Variants in CRACD observed in about 807,000 individuals in gnomAD.
CRACD encodes capping protein inhibiting regulator of actin dynamics.
A neutral mutation model predicts 106.8 loss-of-function variants in CRACD; 56 were observed. That is an observed-to-expected ratio of 0.52 (90% CI 0.42 to 0.66). The LOEUF is 0.66. Ranked by LOEUF, CRACD falls within the 30% of genes least tolerant of loss-of-function variation. The pLI, the probability that CRACD is intolerant of heterozygous loss-of-function variation, is 0.00. For missense variants in CRACD, 1,730 were observed against 1,623.2 expected, an observed-to-expected ratio of 1.07 and a Z score of -1.13; for synonymous variants, 754 against 670.8, an observed-to-expected ratio of 1.12 and a Z score of -1.92.
chr4:56,161,733 T>G (rs1017931637), intron 1 of CRACD, among the ~76,000 whole-genome samples: 17 of 148,240 alleles, frequency 1.1e-4, no homozygotes, highest in Non-Finnish European at 2.4e-4. Context: ...GTGCTGGGAT[T>G]ACAGGCATGA....
intron 1 of CRACD, among the ~76,000 whole-genome samples, chr4:56,104,689 C>T (rs551532194): frequency 1.6e-4 from 25 of 152,194 alleles, no homozygotes; most frequent in African/African-American, 4.8e-4. Flanking sequence ...TTAAATAGGC[C>T]GGGCGCCGTG....
intron 2 of CRACD, among the ~76,000 whole-genome samples, chr4:56,260,843 ATCTG>A (rs1356881223): frequency 2.6e-5 from 4 of 152,092 alleles, no homozygotes; most frequent in African/African-American, 7.2e-5. Context: ...GCAATATATC[ATCTG>A]TCTGTCTGTC....
chr4:56,316,608 A>G lies in CRACD; in HGVS notation c.3106A>G (p.Thr1036Ala). Reference protein sequence around the residue: ...GQKRDEEEEATERKPASPPLP... With the variant: ...GQKRDEEEEAAERKPASPPLP... ...GAAGAGGGACGAGGAGGAAGAGGCG[A>G]CAGAGAGGAAACCTGCTTCCCCACC... is the stretch of plus-strand genomic sequence containing the variant. Residue 1036 changes from threonine to alanine, a missense_variant, in exon 8 of 11, where the codon ACA becomes GCA. Thr to Ala is a moderately conservative substitution (Grantham distance 58). Transcript: ENST00000682029. The G allele has an allele frequency of 6.2e-7, 1 of 1,613,476 alleles. No homozygotes were observed. Among genetic ancestry groups the G allele is most frequent in the Non-Finnish European group, 8.5e-7 (1 of 1,179,862 alleles).
At chr4:56,050,306 GTGTGTGTGTA>G (rs1188607053) in intron 1 of CRACD, among the ~76,000 whole-genome samples, 1 of 144,594 alleles carries the variant, frequency 6.9e-6, no homozygotes, top group Non-Finnish European at 1.5e-5. Context: ...GTGTGTGTGT[GTGTGTGTGTA>G]TTGGGGGTGG....
intron 3 of CRACD, among the ~76,000 whole-genome samples, chr4:56,280,221 C>A: frequency 6.6e-6 from 1 of 151,114 alleles, no homozygotes; most frequent in Non-Finnish European, 1.5e-5. Context: ...TGCAGCACAC[C>A]AACATGGCAC....
intron 8 of CRACD, among the ~76,000 whole-genome samples, chr4:56,323,064 G>A (rs976499543): frequency 1.3e-5 from 2 of 152,094 alleles, no homozygotes; most frequent in African/African-American, 2.4e-5. Flanking sequence ...AAAGAACAAC[G>A]AACCAAATAC....
At chr4:56,236,403 C>T (rs1335883669) in intron 2 of CRACD, among the ~76,000 whole-genome samples, 3 of 152,134 alleles carry the variant, frequency 2.0e-5, no homozygotes, top group Admixed American at 6.5e-5. Flanking sequence ...TTTAAGCCTC[C>T]CATGTTGTGG....
intron 1 of CRACD, among the ~76,000 whole-genome samples, chr4:56,134,134 A>G (rs952071838): frequency 1.3e-5 from 2 of 151,640 alleles, no homozygotes; most frequent in African/African-American, 4.8e-5. Flanking sequence ...CCAGGAGGTG[A>G]AGGTTGTAGT....
At chr4:56,154,378 A>G (rs1214885793) in intron 1 of CRACD, among the ~76,000 whole-genome samples, 1 of 152,176 alleles carries the variant, frequency 6.6e-6, no homozygotes, top group Non-Finnish European at 1.5e-5. Flanking sequence ...ACGCAGGAGT[A>G]TACCTTAAGC....
chr4:56,097,111 G>C (rs1055809113), intron 1 of CRACD, among the ~76,000 whole-genome samples: 1 of 152,138 alleles, frequency 6.6e-6, no homozygotes, highest in Non-Finnish European at 1.5e-5. Flanking sequence ...GGAAACAGAC[G>C]TGCCATCCAT....
intron 1 of CRACD, among the ~76,000 whole-genome samples, chr4:56,096,655 A>G (rs938304730): frequency 6.6e-6 from 1 of 152,002 alleles, no homozygotes; most frequent in African/African-American, 2.4e-5. Context: ...GAATAGAGAA[A>G]TGACCCTCTG....
intron 1 of CRACD, among the ~76,000 whole-genome samples, chr4:56,135,357 TG>T (rs1734969027): frequency 6.6e-6 from 1 of 152,224 alleles, no homozygotes; most frequent in Non-Finnish European, 1.5e-5. Context: ...AGCAGTTTCT[TG>T]GAACAGTGCA....
At position 56,265,403 on chromosome 4, in the gene CRACD, GGTGTGTGTGTGT is replaced by G. The variant is rs111811548; in HGVS notation, c.-188-6889_-188-6878del. Reference sequence around the variant, plus strand: ...AGTGTACTCAGGGGTATAGAGGAGGGGTGTGTGTGTGTGTGTGTGTGTGTGTGTGTGTGTGTG... The same window carrying G: ...AGTGTACTCAGGGGTATAGAGGAGGGGTGTGTGTGTGTGTGTGTGTGTGTG... On this transcript the variant is annotated intron_variant, in intron 2 of 10. Transcript: ENST00000682029. 9.0e-5 allele frequency among the ~76,000 whole-genome samples: 7 copies of G among 77,354 alleles called. No homozygotes were observed. The Admixed American group carries it at 1.0e-3, about 11-fold the overall frequency. The allele number at this position is 77,354 out of a possible 152,430, so 50.7% of individuals were successfully genotyped here. A position where few individuals can be genotyped will look rare whatever the true frequency, so the allele number is the denominator to read the frequency against.
intron 2 of CRACD, among the ~76,000 whole-genome samples, chr4:56,230,024 A>C (rs1739524787): frequency 6.6e-6 from 1 of 152,112 alleles, no homozygotes; most frequent in South Asian, 2.1e-4. Flanking sequence ...TGCACTATGG[A>C]TTTTCTGCTT....
rs754686187 is a variant in CRACD, at chr4:56,315,013, C to T, written c.1511C>T (p.Pro504Leu). The change falls in exon 8 of 11, where the codon CCG (proline) becomes CTG (leucine). Residue 504 changes from proline to leucine, a missense_variant. Coordinates refer to ENST00000682029, the MANE Select transcript of CRACD (RefSeq NM_001393381.1). This position sits in a 1 kb window ranked among gnomAD's most constrained non-coding sequence, Gnocchi z 4.1. ...GGGCCGGTGGAAGCCGCGCAGCCTC[C>T]GGTGGAGAGGAAAGAAGCCGCCGCC... is the stretch of plus-strand genomic sequence containing the variant. ...QEGPVEAAQPPVERKEAAALE... is the reference protein window; with the variant it reads ...QEGPVEAAQPLVERKEAAALE... The T allele has an allele frequency of 1.3e-6, 2 of 1,589,652 alleles. No homozygotes were observed. The highest frequency in any genetic ancestry group is 2.3e-5 in the East Asian group (1 of 44,004).
At position 56,315,871 on chromosome 4, in the gene CRACD, A is replaced by T. The variant is rs758403213; in HGVS notation, c.2369A>T (p.Lys790Ile). ...REPADTTEGCKFAKDLPSFLV... is the reference protein window; with the variant it reads ...REPADTTEGCIFAKDLPSFLV... Reference sequence around the variant, plus strand: ...CCCGCAGACACCACCGAGGGATGCAAATTTGCCAAAGACCTCCCGTCTTTC... The same window carrying T: ...CCCGCAGACACCACCGAGGGATGCATATTTGCCAAAGACCTCCCGTCTTTC... Residue 790 changes from lysine (K) to isoleucine (I), a missense_variant, in exon 8 of 11, where the codon AAA (lysine) becomes ATA (isoleucine). Physicochemically the swap from Lys to Ile is moderately radical, Grantham distance 102 (BLOSUM62 -3). Around this residue, in one of 5 missense-constraint regions of CRACD, gnomAD observed 1,620 missense variants for 1,481.6 expected, o/e 1.09. Transcript: ENST00000682029. The surrounding 1 kb of genome is among the most constrained non-coding windows in gnomAD (Gnocchi z 4.1). 3 of 1,613,956 alleles carry T rather than the reference A, an allele frequency of 1.9e-6. No homozygotes were observed. The highest frequency in any genetic ancestry group is 2.5e-6 in the Non-Finnish European group (3 of 1,180,028).
At chr4:56,303,229 C>T (rs1400283600) in intron 4 of CRACD, among the ~76,000 whole-genome samples, 5 of 152,076 alleles carry the variant, frequency 3.3e-5, no homozygotes, top group Admixed American at 1.3e-4. Context: ...CCTGTAATCC[C>T]AGCTACTCGG....
intron 2 of CRACD, among the ~76,000 whole-genome samples, chr4:56,269,663 T>C (rs1026218911): frequency 1.9e-4 from 29 of 151,584 alleles, no homozygotes; most frequent in African/African-American, 6.3e-4. Flanking sequence ...CCTCCCAGGT[T>C]TGAGTGATTC....
chr4:56,105,776 A>G (rs937506978), intron 1 of CRACD, among the ~76,000 whole-genome samples: 1 of 152,170 alleles, frequency 6.6e-6, no homozygotes, highest in Non-Finnish European at 1.5e-5. Flanking sequence ...TAGCTGGAAT[A>G]TGATTCTAAC....
Sources: gnomAD v4.1 joint callset for allele counts (sites outside exome capture counted in the v4.1 genomes callset) on GRCh38, gnomAD v4.1.1 for gene constraint, gnomAD v4.1.1 regional missense constraint, Gnocchi (gnomAD v3.1) non-coding constraint, MANE v1.5 for transcripts, NCBI Gene and HGNC (gene_info 2026-07-23, HGNC 2026-07-21) for gene names.